Variants in MRM1 observed in about 807,000 individuals in gnomAD.
MRM1 encodes the protein mitochondrial rRNA methyltransferase 1.
Under a neutral mutation model 25.0 loss-of-function variants are expected in MRM1, and 24 were observed. That is an observed-to-expected ratio of 0.96 (90% CI 0.69 to 1.35). The LOEUF (loss-of-function observed/expected upper bound fraction) is 1.35, where lower values mean the gene tolerates loss of function less well. MRM1 is among the 40% of genes most tolerant of loss of function. The probability of loss-of-function intolerance (pLI) is 0.00; values close to 1 mark genes in which losing one functional copy is unlikely to be tolerated. For synonymous variants in MRM1, 188 were observed against 199.2 expected (o/e 0.94, Z 0.47); for missense variants, 431 against 464.1 (o/e 0.93, Z 0.65).
chr17:36,624,873 C>T, the MRM1 span, among the ~76,000 whole-genome samples: 1 of 152,128 alleles, frequency 6.6e-6, no homozygotes, highest in African/African-American at 2.4e-5. This position sits in a 1 kb window ranked among gnomAD's most constrained non-coding sequence, Gnocchi z 4.0. Context: ...CCCCTCCCCA[C>T]TCCTGCTCCT....
chr17:36,631,948 C>T, the MRM1 span, among the ~76,000 whole-genome samples: 1 of 152,154 alleles, frequency 6.6e-6, no homozygotes, highest in African/African-American at 2.4e-5. Context: ...CACAACTGAC[C>T]CCTTTCCTGT....
downstream of MRM1, among the ~76,000 whole-genome samples, chr17:36,610,484 G>A (rs563741186): frequency 1.4e-4 from 21 of 152,078 alleles, no homozygotes; most frequent in African/African-American, 2.9e-4. Context: ...CACCTGCCTC[G>A]GCCTCCCAAT....
chr17:36,632,179 C>A, the MRM1 span, among the ~76,000 whole-genome samples: 1 of 152,288 alleles, frequency 6.6e-6, no homozygotes, highest in African/African-American at 2.4e-5. Flanking sequence ...CCCCTCCTGG[C>A]TCCTGGTACC....
downstream of MRM1, among the ~76,000 whole-genome samples, chr17:36,610,014 C>T (rs2074965999): frequency 6.6e-6 from 1 of 152,084 alleles, no homozygotes; most frequent in African/African-American, 2.4e-5. Flanking sequence ...CATCCTCTGC[C>T]TCCCAGGTTC....
chr17:36,607,388 A>C (rs2074939324), intron 2 of MRM1, among the ~76,000 whole-genome samples: 1 of 152,014 alleles, frequency 6.6e-6, no homozygotes, highest in African/African-American at 2.4e-5. Flanking sequence ...TGGGAGGCCA[A>C]GGTGGGAGGA....
the MRM1 span, among the ~76,000 whole-genome samples, chr17:36,620,454 G>T: frequency 6.6e-6 from 1 of 152,280 alleles, no homozygotes; most frequent in South Asian, 2.1e-4. Flanking sequence ...TGATGACCCA[G>T]AAGGCAGAAA....
intron 2 of MRM1, among the ~76,000 whole-genome samples, chr17:36,604,014 G>A (rs2074906010): frequency 6.6e-6 from 1 of 152,184 alleles, no homozygotes; most frequent in Non-Finnish European, 1.5e-5. Flanking sequence ...ACTGTCATCA[G>A]CATCTGACCT....
At chr17:36,634,566 TGTC>T in the MRM1 span, 6 of 152,350 alleles carry the variant, frequency 3.9e-5, no homozygotes, top group Admixed American at 2.0e-4. Context: ...CCTCCTGTCT[TGTC>T]GTTTTAATGG....
chr17:36,603,414 AT>A (rs1599576931), intron 2 of MRM1: 2 of 171,504 alleles, frequency 1.2e-5, no homozygotes, highest in African/African-American at 4.8e-5. Flanking sequence ...AATATTATTA[AT>A]TTTTTGAGAG....
chr17:36,608,400 G>T lies in MRM1; in HGVS notation c.1047G>T (p.Arg349Ser). ...TGTCTTCAGGCCCAGAGAAAGAGAG[G>T]CAAAATGAGGGCTGACGTGGACTGT... ...PGLSSGPEKE[R>S]QNEG The change falls in exon 5 of 5, where the codon AGG becomes AGT. Residue 349 changes from arginine (R) to serine (S), a missense_variant. Coordinates refer to ENST00000614766, the MANE Select transcript of MRM1 (RefSeq NM_024864.5). 7 of 1,573,970 alleles carry T rather than the reference G, an allele frequency of 4.4e-6. No homozygotes were observed. The highest frequency in any genetic ancestry group is 6.0e-6 in the Non-Finnish European group (7 of 1,161,330).
chr17:36,604,252 A>G (rs1166389896), intron 2 of MRM1, among the ~76,000 whole-genome samples: 1 of 152,180 alleles, frequency 6.6e-6, no homozygotes, highest in East Asian at 1.9e-4. Context: ...ACACTGAATC[A>G]AAGGCTTCAT....
chr17:36,632,700 T>C, the MRM1 span, among the ~76,000 whole-genome samples: 1 of 152,104 alleles, frequency 6.6e-6, no homozygotes, highest in Admixed American at 6.6e-5. Flanking sequence ...GTTGGAGATA[T>C]GGTGTGAGCT....
At chr17:36,634,013 T>A in the MRM1 span, 3 of 152,154 alleles carry the variant, frequency 2.0e-5, no homozygotes, top group African/African-American at 4.8e-5. Context: ...CCCAGTTACT[T>A]AGATGTGGCT....
intron 2 of MRM1, among the ~76,000 whole-genome samples, chr17:36,605,117 G>GTTTCA (rs1234345395): frequency 5.3e-5 from 8 of 150,780 alleles, no homozygotes; most frequent in Non-Finnish European, 1.0e-4. Context: ...TCCAGCCTGG[G>GTTTCA]CAATAAGAGT....
chr17:36,610,938 C>G (rs962204908), downstream of MRM1, among the ~76,000 whole-genome samples: 1 of 152,122 alleles, frequency 6.6e-6, no homozygotes, highest in Admixed American at 6.5e-5. Context: ...CTCAGCCTCC[C>G]AAGTAGCTGG....
chr17:36,617,875 CCT>C, the MRM1 span, among the ~76,000 whole-genome samples: 1 of 152,170 alleles, frequency 6.6e-6, no homozygotes, highest in Non-Finnish European at 1.5e-5. Flanking sequence ...GCTGTTGCTC[CCT>C]CTCTGAGGCT....
At chr17:36,617,008 G>A in the MRM1 span, among the ~76,000 whole-genome samples, 1 of 151,664 alleles carries the variant, frequency 6.6e-6, no homozygotes, top group East Asian at 2.0e-4. Flanking sequence ...TTACAGGCAT[G>A]AACCACCGCC....
intron 4 of MRM1, 61 bp from the exon 5 acceptor site, chr17:36,608,182 A>G: frequency 1.3e-6 from 2 of 1,526,782 alleles, no homozygotes; most frequent in Non-Finnish European, 1.8e-6. Context: ...CTGAATGTCT[A>G]GGTCTCTAAA....
intron 2 of MRM1, among the ~76,000 whole-genome samples, chr17:36,605,935 T>G (rs1297874738): frequency 1.3e-5 from 2 of 152,128 alleles, no homozygotes; most frequent in Non-Finnish European, 2.9e-5. Flanking sequence ...TCTGTTGAAG[T>G]CATACCATGT....
Sources: gnomAD v4.1 joint callset for allele counts (sites outside exome capture counted in the v4.1 genomes callset) on GRCh38, gnomAD v4.1.1 for gene constraint, Gnocchi (gnomAD v3.1) non-coding constraint, MANE v1.5 for transcripts, NCBI Gene and HGNC (gene_info 2026-07-23, HGNC 2026-07-21) for gene names.